Variants in MTRF1 observed in about 807,000 individuals in gnomAD.
The protein encoded by MTRF1 is mitochondrial translation release factor 1.
A neutral mutation model predicts 62.9 loss-of-function variants in MTRF1; 51 were observed. That is an observed-to-expected ratio of 0.81 (90% confidence interval 0.65 to 1.02). MTRF1 has a LOEUF of 1.02. MTRF1 is among the 50% of genes least tolerant of loss of function. The pLI is 0.00. For missense variants in MTRF1, 446 were observed against 530.0 expected (o/e 0.84, Z 1.56); for synonymous variants, 158 against 181.9 (o/e 0.87, Z 1.06).
At chr13:41,289,195 T>C in the MTRF1 span, among the ~76,000 whole-genome samples, 1 of 152,056 alleles carries the variant, frequency 6.6e-6, no homozygotes, top group Admixed American at 6.6e-5. Flanking sequence ...AACGAACTAT[T>C]TCTTGATTGG....
At chr13:41,263,285 C>T (rs1179662629) in intron 1 of MTRF1, 200 bp downstream of exon 1, 1 of 1,289,222 alleles carries the variant, frequency 7.8e-7, no homozygotes, top group Non-Finnish European at 1.0e-6. Context: ...CTGAGAACAG[C>T]ACGACTTCTC....
At chr13:41,241,517 C>T (rs778707845) in intron 5 of MTRF1, among the ~76,000 whole-genome samples, 1 of 152,162 alleles carries the variant, frequency 6.6e-6, no homozygotes, top group Non-Finnish European at 1.5e-5. Context: ...AGACATAATC[C>T]TCTCTCTTCC....
the MTRF1 span, among the ~76,000 whole-genome samples, chr13:41,309,272 C>G: frequency 2.0e-5 from 3 of 151,762 alleles, no homozygotes; most frequent in Non-Finnish European, 4.4e-5. Flanking sequence ...GTCTCCCAGG[C>G]TCAATTGATC....
chr13:41,250,726 G>A (rs373023337), intron 5 of MTRF1, among the ~76,000 whole-genome samples: 1 of 152,010 alleles, frequency 6.6e-6, no homozygotes, highest in Non-Finnish European at 1.5e-5. Context: ...ACTGTCTCCC[G>A]AAGTGCTGGG....
chr13:41,269,185 G>GTT, the MTRF1 span, among the ~76,000 whole-genome samples: 24,789 of 96,292 alleles, frequency 0.26, 3,232 homozygotes, highest in African/African-American at 0.36. Flanking sequence ...CTTTTACCTT[G>GTT]TTTTTTTTTT....
chr13:41,260,304 C>T (rs1197505705), intron 2 of MTRF1, among the ~76,000 whole-genome samples, 189 bp downstream of exon 2: 1 of 151,604 alleles, frequency 6.6e-6, no homozygotes, highest in African/African-American at 2.4e-5. Flanking sequence ...CAGTGAGCTA[C>T]GATTGAGTCA....
At chr13:41,291,318 T>C in the MTRF1 span, among the ~76,000 whole-genome samples, 1 of 151,800 alleles carries the variant, frequency 6.6e-6, no homozygotes, top group Non-Finnish European at 1.5e-5. Flanking sequence ...GCTGGGACTA[T>C]AGGCACACCC....
chr13:41,254,320 T>G (rs1479526701), intron 3 of MTRF1, among the ~76,000 whole-genome samples: 1 of 152,216 alleles, frequency 6.6e-6, no homozygotes, highest in East Asian at 1.9e-4. Context: ...GAATTTTTTT[T>G]TTTTTACCCT....
the MTRF1 span, among the ~76,000 whole-genome samples, chr13:41,289,787 A>G: frequency 6.6e-6 from 1 of 152,200 alleles, no homozygotes; most frequent in East Asian, 1.9e-4. Flanking sequence ...TGGTCAACAA[A>G]TAGGGCCCAA....
At chr13:41,291,574 C>T in the MTRF1 span, among the ~76,000 whole-genome samples, 5 of 152,054 alleles carry the variant, frequency 3.3e-5, no homozygotes, top group East Asian at 9.6e-4. Flanking sequence ...CCCACCCCTA[C>T]TCCCTTATTT....
At position 41,258,011 on chromosome 13, in the gene MTRF1, C is replaced by T. The variant is rs1263807665; in HGVS notation, c.415+2482G>A. ...TGATGTAATCCAATCTAATATTATA[C>T]ATGATACAACCAAGGCTGAAAGAAG... On this transcript the variant is annotated intron_variant, in intron 2 of 9. Coordinates refer to ENST00000379480, the MANE Select transcript of MTRF1 (RefSeq NM_004294.4). 3.3e-5 allele frequency among the ~76,000 whole-genome samples: 5 copies of T among 152,170 alleles called. No homozygotes were observed. The East Asian group carries it at 9.6e-4, about 29-fold the overall frequency.
intron 5 of MTRF1, 130 bp downstream of exon 5, chr13:41,252,515 C>G (rs781032160): frequency 6.5e-6 from 4 of 618,614 alleles, no homozygotes; most frequent in Non-Finnish European, 8.3e-6. Context: ...GATTGATGAG[C>G]CTATGCCACA....
chr13:41,311,637 A>C, the MTRF1 span: 1 of 1,541,730 alleles, frequency 6.5e-7, no homozygotes, highest in Non-Finnish European at 8.8e-7. Flanking sequence ...CTCGGGCCTT[A>C]AGGGCAAGCG....
At chr13:41,273,215 G>A in the MTRF1 span, among the ~76,000 whole-genome samples, 7 of 151,742 alleles carry the variant, frequency 4.6e-5, no homozygotes, top group African/African-American at 7.3e-5. Flanking sequence ...AGTCCCAGTT[G>A]CTCGGGAGCC....
upstream of MTRF1, among the ~76,000 whole-genome samples, chr13:41,266,687 A>T (rs2040842727): frequency 6.6e-6 from 1 of 151,730 alleles, no homozygotes; most frequent in Non-Finnish European, 1.5e-5. Flanking sequence ...TCTAATGTCC[A>T]GTCAGTGTTC....
intron 7 of MTRF1, among the ~76,000 whole-genome samples, chr13:41,231,222 C>T (rs1220803899): frequency 1.3e-5 from 2 of 152,164 alleles, no homozygotes; most frequent in East Asian, 1.9e-4. Flanking sequence ...GAGATGCTGA[C>T]CAGAAACTGG....
upstream of MTRF1, among the ~76,000 whole-genome samples, chr13:41,266,833 A>C (rs1013763092): frequency 1.3e-5 from 2 of 151,730 alleles, no homozygotes; most frequent in African/African-American, 4.8e-5. Flanking sequence ...TCTTCTAAAA[A>C]AATACAAAAA....
Position 41,223,372 on chromosome 13 carries a change from G to A in MTRF1, c.1126-18C>T. The A allele has an allele frequency of 2.5e-6, 4 of 1,597,450 alleles. No homozygotes were observed. The highest frequency in any genetic ancestry group is 3.4e-6 in the Non-Finnish European group (4 of 1,166,800). On this transcript the variant is annotated intron_variant, in intron 8 of 9. Coordinates refer to ENST00000379480, the MANE Select transcript of MTRF1 (RefSeq NM_004294.4). ...GTTCCCACCTGTGCCATAACAAAAA[G>A]CAATTTATATTTTACCTTTATAAAT...
intron 5 of MTRF1, among the ~76,000 whole-genome samples, chr13:41,241,957 T>C (rs1413197902): frequency 6.6e-6 from 1 of 152,252 alleles, no homozygotes; most frequent in Admixed American, 6.5e-5. Context: ...GGTTACAAAA[T>C]GGTGATAAGT....
Sources: allele counts gnomAD v4.1 joint callset (sites outside exome capture counted in the v4.1 genomes callset), GRCh38; gene constraint gnomAD v4.1.1; transcripts MANE v1.5; gene names NCBI Gene and HGNC (gene_info 2026-07-23, HGNC 2026-07-21).